Variants in ADGRL3 observed in about 807,000 individuals in gnomAD.
ADGRL3 encodes calcium-independent alpha-latrotoxin receptor 3.
A neutral mutation model predicts 153.5 loss-of-function variants in ADGRL3; 62 were observed. The observed-to-expected ratio is 0.40, with a 90% CI of 0.33 to 0.50. The LOEUF (loss-of-function observed/expected upper bound fraction) is 0.50, where lower values mean the gene tolerates loss of function less well. Ranked by LOEUF, ADGRL3 falls within the 20% of genes least tolerant of loss-of-function variation. The pLI is 0.47. For synonymous variants in ADGRL3, 710 were observed against 672.5 expected, an observed-to-expected ratio of 1.06 and a Z score of -0.86; for missense variants, 1,641 against 1,859.4, an observed-to-expected ratio of 0.88 and a Z score of 2.16.
At chr4:61,584,402 A>G (rs2098938173) in intron 4 of ADGRL3, among the ~76,000 whole-genome samples, 1 of 152,010 alleles carries the variant, frequency 6.6e-6, no homozygotes, top group African/African-American at 2.4e-5. Context: ...CGACATTTTA[A>G]CTGACTTTGC....
intron 21 of ADGRL3, among the ~76,000 whole-genome samples, chr4:62,007,859 A>G (rs969580968): frequency 6.6e-6 from 1 of 152,130 alleles, no homozygotes; most frequent in Non-Finnish European, 1.5e-5. Context: ...AAATAAGAGG[A>G]CTAGGGACTG....
At chr4:62,031,160 A>G (rs1439253748) in intron 22 of ADGRL3, among the ~76,000 whole-genome samples, 1 of 151,600 alleles carries the variant, frequency 6.6e-6, no homozygotes, top group African/African-American at 2.4e-5. Flanking sequence ...ACCTCATGCC[A>G]TTTGCATATG....
At chr4:61,656,856 A>G (rs1280013531) in intron 5 of ADGRL3, among the ~76,000 whole-genome samples, 1 of 152,136 alleles carries the variant, frequency 6.6e-6, no homozygotes, top group East Asian at 1.9e-4. Context: ...GTCCATTTGG[A>G]CATTTCAGCT....
rs184657973 is a variant in ADGRL3, at chr4:61,669,859, A to G, written c.474-6967A>G. ...TTTATACATGACTGAAACTTCATTT[A>G]AAAAGTTTCTTAGCATTCTGAGGAA... On this transcript the variant is annotated intron_variant, in intron 5 of 26. Coordinates refer to ENST00000683033, the MANE Select transcript of ADGRL3 (RefSeq NM_001387552.1). Among the ~76,000 whole-genome samples, 132 of 152,340 alleles carry G rather than the reference A, an allele frequency of 8.7e-4. 2 individuals carry two copies. Among genetic ancestry groups the G allele is most frequent in the African/African-American group, 3.1e-3 (129 of 41,580 alleles).
At chr4:61,365,771 A>T (rs895126604) in intron 1 of ADGRL3, among the ~76,000 whole-genome samples, 3 of 152,204 alleles carry the variant, frequency 2.0e-5, no homozygotes, top group African/African-American at 7.2e-5. Context: ...TGAAAAATTA[A>T]TTTTTCTTAT....
At chr4:61,562,183 T>A (rs1053039841) in intron 4 of ADGRL3, among the ~76,000 whole-genome samples, 1 of 152,192 alleles carries the variant, frequency 6.6e-6, no homozygotes, top group Non-Finnish European at 1.5e-5. Flanking sequence ...AAAAACAGTA[T>A]ACATACCTTA....
At position 61,741,295 on chromosome 4, in the gene ADGRL3, A is replaced by T. The variant is rs145778020; in HGVS notation, c.1399+7741A>T. Among the ~76,000 whole-genome samples the T allele has an allele frequency of 1.2e-3, 187 of 152,336 alleles. 1 individual carries two copies. Among genetic ancestry groups the T allele is most frequent in the Non-Finnish European group, 1.8e-3 (123 of 68,034 alleles). On this transcript the variant is annotated intron_variant, in intron 8 of 26. Coordinates refer to ENST00000683033, the MANE Select transcript of ADGRL3 (RefSeq NM_001387552.1). ...TCAGCCTAGGGTATGATTCCTTCAC[A>T]GTTCCACTTGAGATACCACATTGTC...
At chr4:61,411,647 T>G (rs970949654) in intron 2 of ADGRL3, among the ~76,000 whole-genome samples, 5 of 152,108 alleles carry the variant, frequency 3.3e-5, no homozygotes, top group Non-Finnish European at 5.9e-5. Flanking sequence ...TTCTCTTTCC[T>G]TCCTTATCTT....
At chr4:61,784,374 T>C (rs558117114) in intron 8 of ADGRL3, among the ~76,000 whole-genome samples, 58 of 152,218 alleles carry the variant, frequency 3.8e-4, no homozygotes, top group Middle Eastern at 3.4e-3. Context: ...CTGCTTGACA[T>C]GTGAACAATG....
intron 8 of ADGRL3, among the ~76,000 whole-genome samples, chr4:61,735,478 T>G (rs143318312): frequency 1.2e-4 from 19 of 152,332 alleles, no homozygotes; most frequent in African/African-American, 4.6e-4. Context: ...TTTTTGTTTG[T>G]TTTTTTAACC....
chr4:61,975,836 T>C (rs1306969963), intron 17 of ADGRL3, among the ~76,000 whole-genome samples: 2 of 152,094 alleles, frequency 1.3e-5, no homozygotes, highest in African/African-American at 4.8e-5. Context: ...GGCCAGAACA[T>C]TTTCAAGAAT....
At chr4:61,666,146 A>T (rs948077668) in intron 5 of ADGRL3, among the ~76,000 whole-genome samples, 5 of 152,186 alleles carry the variant, frequency 3.3e-5, no homozygotes, top group African/African-American at 1.2e-4. Context: ...ATATATGCAG[A>T]CACACACATG....
intron 8 of ADGRL3, among the ~76,000 whole-genome samples, chr4:61,757,743 C>G (rs771960731): frequency 6.6e-6 from 1 of 152,136 alleles, no homozygotes; most frequent in Non-Finnish European, 1.5e-5. Flanking sequence ...TTCCTGCTTT[C>G]TCTTGTGGGC....
intron 2 of ADGRL3, among the ~76,000 whole-genome samples, chr4:61,449,445 AT>A (rs987206528): frequency 3.5e-4 from 52 of 147,996 alleles, no homozygotes; most frequent in East Asian, 1.4e-3. Context: ...TATTTTTTCC[AT>A]TTTTTTTTTA....
rs772295138 is a variant in ADGRL3 at position 61,558,105 on chromosome 4, T to A, written c.260-29122T>A. On this transcript the variant is annotated intron_variant, in intron 4 of 26. Transcript: ENST00000683033. ...AAATTTGAGATACTTCTCTGTGAAA[T>A]TCCTACATATATATATATGTAGGAA... Among the ~76,000 whole-genome samples the A allele has an allele frequency of 1.4e-3, 202 of 146,950 alleles. 1 individual carries two copies. Among genetic ancestry groups the A allele is most frequent in the Middle Eastern group, 3.6e-3 (1 of 276 alleles).
At chr4:61,594,604 T>C (rs2098981737) in intron 5 of ADGRL3, among the ~76,000 whole-genome samples, 1 of 152,112 alleles carries the variant, frequency 6.6e-6, no homozygotes, top group Admixed American at 6.5e-5. Flanking sequence ...CCCCTTACTC[T>C]CAAACATATT....
intron 5 of ADGRL3, among the ~76,000 whole-genome samples, chr4:61,652,978 C>T (rs563143677): frequency 5.3e-5 from 8 of 152,136 alleles, no homozygotes; most frequent in African/African-American, 1.7e-4. Flanking sequence ...TCCCCCCGGC[C>T]ATATTGATAT....
chr4:61,987,619 A>G (rs2099090388), intron 19 of ADGRL3, among the ~76,000 whole-genome samples: 1 of 152,208 alleles, frequency 6.6e-6, no homozygotes. Flanking sequence ...ATGAAAATGT[A>G]TAGTCCACAG....
intron 17 of ADGRL3, among the ~76,000 whole-genome samples, chr4:61,969,547 T>C (rs2150620710): frequency 6.6e-6 from 1 of 152,244 alleles, no homozygotes; most frequent in East Asian, 1.9e-4. Flanking sequence ...TTAGCTTTGG[T>C]ATTATAGTCA....
Sources: allele counts gnomAD v4.1 joint callset (sites outside exome capture counted in the v4.1 genomes callset), GRCh38; gene constraint gnomAD v4.1.1; transcripts MANE v1.5; gene names NCBI Gene and HGNC (gene_info 2026-07-23, HGNC 2026-07-21).